The following CHD5 variants were observed in gnomAD, a reference collection of about 807,000 sequenced individuals.
The protein encoded by CHD5 is ATP-dependent chromatin remodeler CHD5.
Under a neutral mutation model 230.3 loss-of-function variants are expected in CHD5, and 69 were observed. That is an observed-to-expected ratio of 0.30 (90% CI 0.25 to 0.37). The LOEUF is 0.37. CHD5 is among the 10% of genes least tolerant of loss of function. CHD5 has a pLI of 1.00. For synonymous variants in CHD5, 1,064 were observed against 1,065.9 expected (o/e 1.00, Z 0.03); for missense variants, 1,827 against 2,622.8 (o/e 0.70, Z 6.63).
intron 11 of CHD5, among the ~76,000 whole-genome samples, chr1:6,144,769 G>T (rs374017043): frequency 1.3e-5 from 2 of 152,192 alleles, no homozygotes; most frequent in Non-Finnish European, 2.9e-5. Flanking sequence ...CTGGAGGGCC[G>T]GGCTGGGGCT....
At chr1:6,170,453 C>T (rs1667319226) in intron 1 of CHD5, among the ~76,000 whole-genome samples, 1 of 152,148 alleles carries the variant, frequency 6.6e-6, no homozygotes, top group Non-Finnish European at 1.5e-5. Context: ...GGTGGCTGAG[C>T]GGACGCCCCT....
intron 2 of CHD5, among the ~76,000 whole-genome samples, chr1:6,161,900 T>G (rs924534609): frequency 2.6e-5 from 4 of 152,144 alleles, no homozygotes; most frequent in African/African-American, 9.7e-5. Flanking sequence ...CCCACAAACC[T>G]ACCGAGGATG....
At chr1:6,135,651 G>C (rs1433866589) in intron 17 of CHD5, among the ~76,000 whole-genome samples, 2 of 152,290 alleles carry the variant, frequency 1.3e-5, no homozygotes, top group South Asian at 2.1e-4. Context: ...CTATTACCCA[G>C]ATAACAGATG....
In CHD5 at chr1:6,148,956, C is replaced by G; in HGVS notation, c.1281G>C (p.Glu427Asp). ...AGGGGCAGGCGTCGCAGCAGAGCAG[C>G]TCGCCCCCGTCCTTGCACACGCGGC... The part of the protein sequence containing the change: ...EFCRVCKDGG[E>D]LLCCDACPSS... Residue 427 changes from glutamate (E) to aspartate (D), a missense_variant, in exon 9 of 42, where the codon GAG (glutamate) becomes GAC (aspartate). Glu to Asp is a conservative substitution (Grantham distance 45). This residue lies in a region of CHD5 where 657 missense variants were observed against 816.4 expected (regional missense o/e 0.80). Coordinates refer to ENST00000262450, the MANE Select transcript of CHD5 (RefSeq NM_015557.3). 1 of 1,605,076 alleles carries G rather than the reference C, an allele frequency of 6.2e-7. No individual in the cohort carries two copies. The highest frequency in any genetic ancestry group is 1.1e-5 in the South Asian group (1 of 90,060).
chr1:6,139,533 G>A (rs1462831022), intron 15 of CHD5, among the ~76,000 whole-genome samples: 2 of 149,656 alleles, frequency 1.3e-5, no homozygotes, highest in African/African-American at 2.5e-5. Flanking sequence ...CACCGTGCCC[G>A]GCTGATTTTT....
At chr1:6,118,146 T>C (rs1357187695) in intron 33 of CHD5, among the ~76,000 whole-genome samples, 1 of 151,686 alleles carries the variant, frequency 6.6e-6, no homozygotes, top group Non-Finnish European at 1.5e-5. Context: ...GAGGTCAAGG[T>C]GGGAGGATTG....
intron 31 of CHD5, among the ~76,000 whole-genome samples, chr1:6,122,748 A>G (rs1666490902): frequency 6.6e-6 from 1 of 152,248 alleles, no homozygotes; most frequent in African/African-American, 2.4e-5. Flanking sequence ...AGCGCAATGG[A>G]TAAGCAAAAT....
chr1:6,143,801 C>A, intron 13 of CHD5, 22 bp downstream of exon 13: 1 of 1,518,030 alleles, frequency 6.6e-7, no homozygotes, highest in Non-Finnish European at 9.1e-7. Flanking sequence ...CCACCCACTG[C>A]TGCCCCACCC....
chr1:6,146,567 C>T lies in CHD5; in HGVS notation c.1590+98G>A, dbSNP rs34098964. The T allele has an allele frequency of 7.0e-7, 1 of 1,430,928 alleles. No homozygotes were observed. The highest frequency in any genetic ancestry group is 2.3e-5 in the East Asian group (1 of 43,234). The allele number at this position is 1,430,928 out of a possible 1,614,324, so 88.6% of individuals were successfully genotyped here. On this transcript the variant is annotated intron_variant, in intron 10 of 41. Transcript: ENST00000262450. The surrounding 1 kb of genome is among the most constrained non-coding windows in gnomAD (Gnocchi z 5.1). ...ACCACCCCAACTCCCAACAGCACCC[C>T]TCAGTCAGAGGCGCTTCAGCCCCTT...
chr1:6,109,239 T>TGG (rs1392633247), intron 38 of CHD5, among the ~76,000 whole-genome samples: 2 of 151,908 alleles, frequency 1.3e-5, no homozygotes, highest in Non-Finnish European at 2.9e-5. Flanking sequence ...AGGATCAGAG[T>TGG]ACACCAGGGA....
At chr1:6,106,552 C>G (rs756875710) in intron 39 of CHD5, 43 bp from the exon 40 acceptor site, 3 of 1,550,034 alleles carry the variant, frequency 1.9e-6, no homozygotes, top group Non-Finnish European at 2.6e-6. Context: ...TCAGGCCCCC[C>G]ACCCAGCCTC....
Position 6,142,137 on chromosome 1 carries a change from G to A in CHD5, c.2427C>T (p.Phe809=), listed in dbSNP as rs747255491. Residue 809 remains phenylalanine, a synonymous_variant, in exon 15 of 42, where the codon TTC becomes TTT. Transcript: ENST00000262450. The surrounding 1 kb of genome is among the most constrained non-coding windows in gnomAD (Gnocchi z 5.2). The stretch of plus-strand genomic sequence containing the variant: ...GATAGCGAGCCCTCACCTTCATACG[G>A]AATACCTTCTTCCCACTCCGAATGG... The part of the protein sequence containing the change: ...DNAIRSGKKV[F]RMKKEVQIKF... 2 of 1,613,776 alleles carry A rather than the reference G, an allele frequency of 1.2e-6. No individual in the cohort carries two copies. Among genetic ancestry groups the A allele is most frequent in the African/African-American group, 2.7e-5 (2 of 74,906 alleles).
At chr1:6,149,633 G>C (rs553403891) in intron 7 of CHD5, among the ~76,000 whole-genome samples, 2 of 152,312 alleles carry the variant, frequency 1.3e-5, no homozygotes, top group East Asian at 3.9e-4. Flanking sequence ...GAGAGTGGGT[G>C]GATGGGTAGA....
In CHD5 at chr1:6,112,791, A is replaced by C. The variant is rs538762889; in HGVS notation, c.5002+118T>G. The C allele has an allele frequency of 7.0e-6, 5 of 716,622 alleles. No individual in the cohort carries two copies. In the African/African-American group the frequency reaches 8.9e-5, roughly 13 times the overall value. 44.4% of individuals were successfully genotyped at this position (716,622 alleles called of 1,614,324 possible). A position where few individuals can be genotyped will look rare whatever the true frequency, so the allele number is the denominator to read the frequency against. ...ATCCAGGCTCCCACCTGCCAGCTCC[A>C]ATCAGGCCTGGGGCCAAGGGGACGG... On this transcript the variant is annotated intron_variant, in intron 34 of 41. Coordinates refer to ENST00000262450, the MANE Select transcript of CHD5 (RefSeq NM_015557.3).
rs375269264 is a variant in CHD5, at chr1:6,158,666, G to A, written c.387+670C>T. 2.1e-4 allele frequency among the ~76,000 whole-genome samples: 32 copies of A among 152,108 alleles called. No individual in the cohort carries two copies. In the East Asian group the frequency reaches 4.3e-3, roughly 20 times the overall value. On this transcript the variant is annotated intron_variant, in intron 3 of 41. Coordinates refer to ENST00000262450, the MANE Select transcript of CHD5 (RefSeq NM_015557.3). The stretch of plus-strand genomic sequence containing the variant: ...GAACAGGCTGGGCGCAGTGGCTCAC[G>A]CCTGTAATCCCAGCACTTTGGGAGG...
chr1:6,130,190 G>T lies in CHD5; in HGVS notation c.3387+14C>A, dbSNP rs747816329. The T allele has an allele frequency of 6.2e-7, 1 of 1,613,224 alleles. No individual in the cohort carries two copies. Among genetic ancestry groups the T allele is most frequent in the South Asian group, 1.1e-5 (1 of 90,994 alleles). ...AGGCCCCCTGGGAGGGTGGTGGGCGGCAGCAGCACAGACCTGGATGTCATT... is the reference window on the plus strand; with the variant it reads ...AGGCCCCCTGGGAGGGTGGTGGGCGTCAGCAGCACAGACCTGGATGTCATT... On this transcript the variant is annotated intron_variant, in intron 22 of 41. Transcript: ENST00000262450. The surrounding 1 kb of genome is among the most constrained non-coding windows in gnomAD (Gnocchi z 4.9).
In CHD5 at chr1:6,179,970, C is replaced by A. The variant is rs1364932230; in HGVS notation, c.54G>T (p.Glu18Asp). 1 of 1,378,440 alleles carries A rather than the reference C, an allele frequency of 7.3e-7. No individual in the cohort carries two copies. Among genetic ancestry groups the A allele is most frequent in the Middle Eastern group, 1.9e-4 (1 of 5,236 alleles). The allele number at this position is 1,378,440 out of a possible 1,614,324, so 85.4% of individuals were successfully genotyped here. Reference sequence around the variant, plus strand: ...CTGACATCTCGTCCTCATTCTCCATCTCCTCGGCGAACAGCCGCGGCAGCT... The same window carrying A: ...CTGACATCTCGTCCTCATTCTCCATATCCTCGGCGAACAGCCGCGGCAGCT... ...EEELPRLFAE[E>D]MENEDEMSEE... Residue 18 changes from glutamate to aspartate, a missense_variant, in exon 1 of 42, where the codon GAG becomes GAT. Glu to Asp is a conservative substitution (Grantham distance 45). Around this residue, in one of 14 missense-constraint regions of CHD5, gnomAD observed 113 missense variants for 91.9 expected, o/e 1.23. Coordinates refer to ENST00000262450, the MANE Select transcript of CHD5 (RefSeq NM_015557.3).
rs138458681 is a variant in CHD5 at position 6,121,921 on chromosome 1, G to A, written c.4700-348C>T. On this transcript the variant is annotated intron_variant, in intron 31 of 41. Coordinates refer to ENST00000262450, the MANE Select transcript of CHD5 (RefSeq NM_015557.3). This position sits in a 1 kb window ranked among gnomAD's most constrained non-coding sequence, Gnocchi z 4.5. The stretch of plus-strand genomic sequence containing the variant: ...CCCGCTCTGGTCCCAGCTTTCGGGC[G>A]GGCTGGCTGGTGTGTGCCTCTGGAC... Among the ~76,000 whole-genome samples the A allele has an allele frequency of 4.6e-5, 7 of 152,316 alleles. No homozygotes were observed. In the East Asian group the frequency reaches 5.8e-4, roughly 13 times the overall value.
chr1:6,138,981 A>G (rs1019835848), intron 15 of CHD5, among the ~76,000 whole-genome samples: 6 of 152,238 alleles, frequency 3.9e-5, no homozygotes, highest in African/African-American at 1.4e-4. Flanking sequence ...CCTCAAGGAC[A>G]TTCTGCTCAG....
Sources: gnomAD v4.1 joint callset for allele counts (sites outside exome capture counted in the v4.1 genomes callset) on GRCh38, gnomAD v4.1.1 for gene constraint, gnomAD v4.1.1 regional missense constraint, Gnocchi (gnomAD v3.1) non-coding constraint, MANE v1.5 for transcripts, NCBI Gene and HGNC (gene_info 2026-07-23, HGNC 2026-07-21) for gene names.